Variants in GRIA3 observed in about 807,000 individuals in gnomAD.
The protein encoded by GRIA3 is glutamate ionotropic receptor AMPA type subunit 3.
In GRIA3, 3 loss-of-function variants were observed where a neutral mutation model predicts 63.0. The ratio of observed to expected loss-of-function variants is 0.05; its 90% CI spans 0.02 to 0.12. The LOEUF (loss-of-function observed/expected upper bound fraction) is 0.12, where lower values mean the gene tolerates loss of function less well. Among genes scored for constraint, GRIA3 ranks in the 10% least tolerant of loss-of-function variants. GRIA3 has a pLI of 1.00. For missense variants in GRIA3, 347 were observed against 700.9 expected (o/e 0.50, Z 5.70); for synonymous variants, 274 against 257.9 (o/e 1.06, Z -0.60).
At chrX:123,207,165 CA>C (rs10710717) in intron 2 of GRIA3, among the ~76,000 whole-genome samples, 43,863 of 97,962 alleles carry the variant, frequency 0.45, 7,605 homozygotes, top group African/African-American at 0.57. Context: ...TTATAATTTG[CA>C]AAAAAAAAAA....
intron 5 of GRIA3, among the ~76,000 whole-genome samples, chrX:123,379,684 T>C (rs1337891662): frequency 9.8e-5 from 10 of 101,974 alleles, no homozygotes; most frequent in African/African-American, 3.6e-4. Flanking sequence ...AGGGTACATG[T>C]GCACAATGTG....
At chrX:123,403,135 C>G in intron 8 of GRIA3, 37 bp downstream of exon 8, 6 of 740,616 alleles carry the variant, frequency 8.1e-6, no homozygotes, top group Non-Finnish European at 1.3e-5. Context: ...GAAAAGGACT[C>G]TTGAAAGAGG....
intron 4 of GRIA3, among the ~76,000 whole-genome samples, chrX:123,344,841 G>A (rs1162496182): frequency 9.0e-6 from 1 of 111,498 alleles, no homozygotes; most frequent in Non-Finnish European, 1.9e-5. Flanking sequence ...CCATCATTGA[G>A]GGTCCTGCTT....
At chrX:123,446,267 C>T (rs775138893) in intron 12 of GRIA3, among the ~76,000 whole-genome samples, 1 of 112,174 alleles carries the variant, frequency 8.9e-6, no homozygotes, top group East Asian at 2.8e-4. Flanking sequence ...CATTAATAAC[C>T]TATTTTGCAT....
chrX:123,360,222 A>G (rs1310584710), intron 5 of GRIA3, among the ~76,000 whole-genome samples: 2 of 110,529 alleles, frequency 1.8e-5, no homozygotes, highest in African/African-American at 6.6e-5. Context: ...TTAGTAGAGC[A>G]CCTCGCTCTT....
chrX:123,415,460 A>G (rs1178177662), intron 10 of GRIA3, among the ~76,000 whole-genome samples: 1 of 111,542 alleles, frequency 9.0e-6, no homozygotes. Context: ...ATATGTTGAC[A>G]AAGTTGGGGG....
intron 2 of GRIA3, among the ~76,000 whole-genome samples, chrX:123,252,875 T>C (rs958539915): frequency 1.8e-5 from 2 of 112,077 alleles, no homozygotes; most frequent in African/African-American, 3.2e-5. Flanking sequence ...CAGCTAGTCT[T>C]ACTAAATTCT....
intron 2 of GRIA3, among the ~76,000 whole-genome samples, chrX:123,198,434 C>T (rs1249270116): frequency 8.9e-6 from 1 of 111,732 alleles, no homozygotes; most frequent in East Asian, 2.8e-4. Context: ...CATATGTGTT[C>T]AATATATTAA....
At chrX:123,429,574 T>A (rs2045607045) in intron 12 of GRIA3, among the ~76,000 whole-genome samples, 1 of 111,914 alleles carries the variant, frequency 8.9e-6, no homozygotes, top group African/African-American at 3.2e-5. Flanking sequence ...ATCACTCACA[T>A]TTATCGGGGC....
At chrX:123,345,369 T>C (rs1048794258) in intron 4 of GRIA3, among the ~76,000 whole-genome samples, 1 of 107,318 alleles carries the variant, frequency 9.3e-6, no homozygotes, top group African/African-American at 3.4e-5. Context: ...GGAAACACTG[T>C]GATGACTGCA....
intron 13 of GRIA3, among the ~76,000 whole-genome samples, chrX:123,471,034 G>A: frequency 8.9e-6 from 1 of 111,914 alleles, no homozygotes; most frequent in East Asian, 2.8e-4. Context: ...GTTTGGGATC[G>A]AGGAGTAGGG....
chrX:123,379,506 T>C (rs1311640214), intron 5 of GRIA3, among the ~76,000 whole-genome samples: 1 of 110,909 alleles, frequency 9.0e-6, no homozygotes, highest in African/African-American at 3.3e-5. Flanking sequence ...TTGGTGTATG[T>C]TTGCTGGTCA....
intron 13 of GRIA3, among the ~76,000 whole-genome samples, chrX:123,479,046 G>A (rs909563963): frequency 2.7e-5 from 3 of 113,145 alleles, no homozygotes; most frequent in Non-Finnish European, 3.7e-5. Context: ...TCGGGCACTT[G>A]CCCAGTGGCT....
chrX:123,444,810 T>C (rs1209937599), intron 12 of GRIA3, among the ~76,000 whole-genome samples: 5 of 111,306 alleles, frequency 4.5e-5, no homozygotes, highest in African/African-American at 1.6e-4. Flanking sequence ...CCTCTCTTCT[T>C]CCCTCCCTTT....
At position 123,224,194 on chromosome X, in the gene GRIA3, C is replaced by T. The variant is rs781599593; in HGVS notation, c.269-29109C>T. Among the ~76,000 whole-genome samples, 11 of 111,988 alleles carry T rather than the reference C, an allele frequency of 9.8e-5. No homozygotes were observed. The South Asian group carries it at 1.9e-3, about 19-fold the overall frequency. On this transcript the variant is annotated intron_variant, in intron 2 of 15. Coordinates refer to ENST00000620443, the MANE Select transcript of GRIA3 (RefSeq NM_007325.5). ...CCTCCTATTTCTGTACTTTTATTTT[C>T]AGTTGCTTTCTTAAGCTAGTCTTCC...
At chrX:123,184,823 C>G (rs988677479) in intron 1 of GRIA3, 179 bp downstream of exon 1, 4 of 502,831 alleles carry the variant, frequency 8.0e-6, no homozygotes, top group Non-Finnish European at 1.4e-5. Flanking sequence ...TGAGCCTCAA[C>G]GAGGTGGCTG....
At chrX:123,481,560 T>C (rs2045912972) in intron 14 of GRIA3, among the ~76,000 whole-genome samples, 1 of 112,333 alleles carries the variant, frequency 8.9e-6, no homozygotes, top group African/African-American at 3.2e-5. Flanking sequence ...GTGTCAGCAA[T>C]GGCCATCATC....
intron 3 of GRIA3, among the ~76,000 whole-genome samples, chrX:123,316,968 C>T (rs1205034878): frequency 9.0e-6 from 1 of 111,576 alleles, no homozygotes; most frequent in Non-Finnish European, 1.9e-5. Context: ...AAAGACATAC[C>T]CAAAACTGGG....
At chrX:123,486,042 A>G (rs1007041716) in intron 15 of GRIA3, among the ~76,000 whole-genome samples, 10 of 107,601 alleles carry the variant, frequency 9.3e-5, no homozygotes, top group African/African-American at 3.4e-4. Flanking sequence ...GGATAGAGAT[A>G]CAGGAAGAAA....
Sources: allele counts gnomAD v4.1 joint callset (sites outside exome capture counted in the v4.1 genomes callset), GRCh38; gene constraint gnomAD v4.1.1; transcripts MANE v1.5; gene names NCBI Gene and HGNC (gene_info 2026-07-23, HGNC 2026-07-21).